Variants in NEK10 observed in about 807,000 individuals in gnomAD.
NEK10 encodes the protein NIMA related kinase 10.
Under a neutral mutation model 159.8 loss-of-function variants are expected in NEK10, and 122 were observed. The ratio of observed to expected loss-of-function variants is 0.76; its 90% CI spans 0.66 to 0.89. The LOEUF is 0.89. Among genes scored for constraint, NEK10 ranks in the 40% least tolerant of loss-of-function variants. The probability of loss-of-function intolerance (pLI) is 0.00; values close to 1 mark genes in which losing one functional copy is unlikely to be tolerated. For missense variants in NEK10, 1,342 were observed against 1,323.1 expected, an observed-to-expected ratio of 1.01 and a Z score of -0.22; for synonymous variants, 466 against 457.1, an observed-to-expected ratio of 1.02 and a Z score of -0.25.
chr3:27,213,664 G>A (rs991168450), intron 23 of NEK10, among the ~76,000 whole-genome samples: 5 of 152,058 alleles, frequency 3.3e-5, no homozygotes, highest in African/African-American at 9.7e-5. Flanking sequence ...CCTCTTTTTG[G>A]AATTCAGGCA....
At chr3:27,327,933 T>C (rs2046124155) in intron 5 of NEK10, among the ~76,000 whole-genome samples, 1 of 112,634 alleles carries the variant, frequency 8.9e-6, no homozygotes, top group Non-Finnish European at 2.0e-5. Flanking sequence ...TATGCAAAAC[T>C]TAAAAAAAAA....
At chr3:27,206,123 C>A (rs1477372981) in intron 23 of NEK10, among the ~76,000 whole-genome samples, 1 of 152,230 alleles carries the variant, frequency 6.6e-6, no homozygotes, top group Non-Finnish European at 1.5e-5. Flanking sequence ...CTAATACCAT[C>A]ACGTTGCAGA....
At chr3:27,341,642 A>G (rs1294288884) in intron 5 of NEK10, among the ~76,000 whole-genome samples, 1 of 152,182 alleles carries the variant, frequency 6.6e-6, no homozygotes, top group East Asian at 1.9e-4. Flanking sequence ...ACTCTGGATT[A>G]ACAAGTCTTT....
chr3:27,322,553 G>A (rs1007269149), intron 5 of NEK10, among the ~76,000 whole-genome samples: 5 of 152,096 alleles, frequency 3.3e-5, no homozygotes, highest in Admixed American at 3.3e-4. Flanking sequence ...AGAGCTAAAT[G>A]TTCCAAAATT....
chr3:27,202,398 G>A (rs762379223), intron 24 of NEK10, 30 bp downstream of exon 24: 16 of 1,581,306 alleles, frequency 1.0e-5, no homozygotes, highest in Middle Eastern at 1.7e-4. Context: ...TTAGCTACAC[G>A]AGACCCTTCT....
chr3:27,152,627 A>C (rs1944994905), intron 30 of NEK10, among the ~76,000 whole-genome samples: 1 of 152,194 alleles, frequency 6.6e-6, no homozygotes, highest in Non-Finnish European at 1.5e-5. Context: ...AGTACACAGG[A>C]AACAAATAGC....
At chr3:27,367,942 G>A (rs1251544620) in intron 1 of NEK10, among the ~76,000 whole-genome samples, 1 of 152,136 alleles carries the variant, frequency 6.6e-6, no homozygotes, top group African/African-American at 2.4e-5. Context: ...TTAGGGTAAT[G>A]GGGAATCATT....
chr3:27,126,055 C>G (rs1941908378), intron 32 of NEK10, among the ~76,000 whole-genome samples: 1 of 152,010 alleles, frequency 6.6e-6, no homozygotes, highest in Non-Finnish European at 1.5e-5. Flanking sequence ...CCATGGGGCC[C>G]TAATAAGGGT....
At chr3:27,126,196 T>C (rs893361421) in intron 32 of NEK10, among the ~76,000 whole-genome samples, 2 of 152,144 alleles carry the variant, frequency 1.3e-5, no homozygotes, top group Admixed American at 1.3e-4. Context: ...TGCCAGCTGC[T>C]AAATAAAGCA....
intron 23 of NEK10, among the ~76,000 whole-genome samples, chr3:27,222,029 A>C (rs1483448796): frequency 6.6e-6 from 1 of 152,200 alleles, no homozygotes; most frequent in Admixed American, 6.5e-5. Flanking sequence ...AGGAAGGGGA[A>C]GTAGGATGAA....
intron 23 of NEK10, among the ~76,000 whole-genome samples, chr3:27,229,430 G>A (rs1303260479): frequency 1.3e-5 from 2 of 152,048 alleles, no homozygotes; most frequent in Non-Finnish European, 2.9e-5. Context: ...GAAGGAACCA[G>A]AAAAGTAATT....
In NEK10 at chr3:27,133,532, T is replaced by C. The variant is rs546746561; in HGVS notation, c.2971-1542A>G. Among the ~76,000 whole-genome samples, 31 of 152,330 alleles carry C rather than the reference T, an allele frequency of 2.0e-4. 1 individual carries two copies. The South Asian group carries it at 5.0e-3, about 24-fold the overall frequency. On this transcript the variant is annotated intron_variant, in intron 31 of 35. Transcript: ENST00000691995. Reference sequence around the variant, plus strand: ...GCTTATGCCTTTAATCCCAGCACTTTGGGAGGCCGAGGCAGGAGGATCACC... The same window carrying C: ...GCTTATGCCTTTAATCCCAGCACTTCGGGAGGCCGAGGCAGGAGGATCACC...
chr3:27,223,895 T>C (rs574446314), intron 23 of NEK10, among the ~76,000 whole-genome samples: 36 of 152,346 alleles, frequency 2.4e-4, no homozygotes, highest in African/African-American at 8.4e-4. Flanking sequence ...TCCTTTTCTC[T>C]GCAAATTCTA....
At chr3:27,246,526 A>G (rs1464671731) in intron 23 of NEK10, among the ~76,000 whole-genome samples, 1 of 152,216 alleles carries the variant, frequency 6.6e-6, no homozygotes, top group African/African-American at 2.4e-5. Context: ...TAGGATATCC[A>G]TCACTTCAAG....
At chr3:27,284,993 T>A in intron 20 of NEK10, 32 bp from the exon 21 acceptor site, 1 of 1,547,458 alleles carries the variant, frequency 6.5e-7, no homozygotes, top group Non-Finnish European at 8.7e-7. Flanking sequence ...TCACAGAAAT[T>A]TAAACTCAAT....
chr3:27,231,710 T>C (rs1575370298), intron 23 of NEK10, among the ~76,000 whole-genome samples: 1 of 151,824 alleles, frequency 6.6e-6, no homozygotes, highest in East Asian at 1.9e-4. Flanking sequence ...AGGGCTACTA[T>C]GAACACCTTT....
chr3:27,343,892 A>T (rs1287893078), intron 5 of NEK10, among the ~76,000 whole-genome samples: 1 of 152,222 alleles, frequency 6.6e-6, no homozygotes, highest in African/African-American at 2.4e-5. Context: ...CTCAAGATCA[A>T]GGCTTGCGCA....
At chr3:27,163,864 C>G (rs1456346542) in intron 29 of NEK10, among the ~76,000 whole-genome samples, 1 of 152,104 alleles carries the variant, frequency 6.6e-6, no homozygotes, top group Non-Finnish European at 1.5e-5. Flanking sequence ...TTGTCCCAAC[C>G]TTTTCGTTTT....
chr3:27,142,007 T>C (rs116595883), intron 30 of NEK10, among the ~76,000 whole-genome samples: 2,136 of 152,234 alleles, frequency 0.014, 26 homozygotes, highest in Non-Finnish European at 0.022. Context: ...TTATCAAAAC[T>C]ATAAAATGTA....
Sources: allele counts gnomAD v4.1 joint callset (sites outside exome capture counted in the v4.1 genomes callset), GRCh38; gene constraint gnomAD v4.1.1; transcripts MANE v1.5; gene names NCBI Gene and HGNC (gene_info 2026-07-23, HGNC 2026-07-21).